The following CUBN variants were observed in gnomAD, a reference collection of about 807,000 sequenced individuals.
CUBN encodes the protein cubilin, also known as 460 kDa receptor.
A neutral mutation model predicts 405.3 loss-of-function variants in CUBN; 282 were observed. That is an observed-to-expected ratio of 0.70 (90% confidence interval 0.63 to 0.77). The LOEUF (loss-of-function observed/expected upper bound fraction) is 0.77, where lower values mean the gene tolerates loss of function less well. Among genes scored for constraint, CUBN ranks in the 30% least tolerant of loss-of-function variants. The pLI is 0.00. For synonymous variants in CUBN, 1,684 were observed against 1,617.0 expected (o/e 1.04, Z -0.99); for missense variants, 4,514 against 4,475.2 (o/e 1.01, Z -0.25).
chr10:16,883,282 C>A (rs904455782), intron 56 of CUBN, among the ~76,000 whole-genome samples: 1 of 152,082 alleles, frequency 6.6e-6, no homozygotes, highest in Non-Finnish European at 1.5e-5. Flanking sequence ...CCATTGCGCA[C>A]GAAGGCCAAA....
chr10:17,025,126 T>G (rs1834622615), intron 27 of CUBN, among the ~76,000 whole-genome samples: 1 of 152,196 alleles, frequency 6.6e-6, no homozygotes, highest in Admixed American at 6.5e-5. Flanking sequence ...AATATGTAAT[T>G]GAAATAATTC....
intron 60 of CUBN, among the ~76,000 whole-genome samples, chr10:16,849,262 C>T (rs891669458): frequency 6.6e-6 from 1 of 152,102 alleles, no homozygotes; most frequent in African/African-American, 2.4e-5. Context: ...TCCTGGTCTT[C>T]ACATTTATCT....
intron 7 of CUBN, among the ~76,000 whole-genome samples, chr10:17,114,939 G>A (rs1406542691): frequency 6.6e-6 from 1 of 152,178 alleles, no homozygotes; most frequent in Non-Finnish European, 1.5e-5. Context: ...GTCATGACGG[G>A]ATAATAAAAA....
intron 22 of CUBN, among the ~76,000 whole-genome samples, chr10:17,055,580 A>C (rs997511101): frequency 6.6e-6 from 1 of 152,288 alleles, no homozygotes. Flanking sequence ...GCAGAATACA[A>C]GATATGTATA....
chr10:17,068,415 T>C (rs1564502017), intron 20 of CUBN, 135 bp from the exon 21 acceptor site: 3 of 994,046 alleles, frequency 3.0e-6, no homozygotes, highest in East Asian at 2.6e-5. Context: ...GATAACCTGA[T>C]TTTTCTCTTA....
At chr10:17,121,464 C>G (rs979726350) in intron 6 of CUBN, among the ~76,000 whole-genome samples, 5 of 143,680 alleles carry the variant, frequency 3.5e-5, no homozygotes, top group African/African-American at 1.3e-4. Context: ...CCAAACACCG[C>G]ATGTTCTCAC....
intron 57 of CUBN, among the ~76,000 whole-genome samples, chr10:16,876,191 C>T (rs1287343330): frequency 6.6e-6 from 1 of 152,168 alleles, no homozygotes; most frequent in Non-Finnish European, 1.5e-5. Context: ...AAAGATGTTA[C>T]AAGATTTGTG....
At chr10:16,980,545 C>T (rs915499887) in intron 31 of CUBN, among the ~76,000 whole-genome samples, 24 of 152,132 alleles carry the variant, frequency 1.6e-4, no homozygotes, top group African/African-American at 5.8e-4. Flanking sequence ...TTTGAAGGGA[C>T]ATGGATGAAG....
At chr10:17,095,290 G>T in intron 14 of CUBN, among the ~76,000 whole-genome samples, 1 of 151,958 alleles carries the variant, frequency 6.6e-6, no homozygotes, top group East Asian at 1.9e-4. Context: ...TAAAACTGAA[G>T]AACCAATCCA....
chr10:16,923,832 G>A lies in CUBN; in HGVS notation c.6646+1409C>T, dbSNP rs560258077. Among the ~76,000 whole-genome samples the A allele has an allele frequency of 2.0e-5, 3 of 152,276 alleles. No homozygotes were observed. The East Asian group carries it at 5.8e-4, about 29-fold the overall frequency. On this transcript the variant is annotated intron_variant, in intron 43 of 66. Transcript: ENST00000377833. ...TACTCCAGTAATCCTAGCACTTTGGGAAGCCAAGGCAGGTGGCTCACCTGA... is the reference window on the plus strand; with the variant it reads ...TACTCCAGTAATCCTAGCACTTTGGAAAGCCAAGGCAGGTGGCTCACCTGA...
intron 29 of CUBN, among the ~76,000 whole-genome samples, chr10:16,985,942 G>T (rs1406136919): frequency 6.6e-6 from 1 of 152,196 alleles, no homozygotes; most frequent in Non-Finnish European, 1.5e-5. Flanking sequence ...TGCAGGCAAG[G>T]ATAGCCTAGG....
Position 17,084,256 on chromosome 10 carries a change from A to C in CUBN, c.2301+15T>G. 1 of 1,612,508 alleles carries C rather than the reference A, an allele frequency of 6.2e-7. No homozygotes were observed. Among genetic ancestry groups the C allele is most frequent in the South Asian group, 1.1e-5 (1 of 91,042 alleles). ...GATGAATGTCATCTAAGGGCGATTG[A>C]GTAGTGAAAGTTACCTCAATGTAAT... On this transcript the variant is annotated intron_variant, in intron 17 of 66. Coordinates refer to ENST00000377833, the MANE Select transcript of CUBN (RefSeq NM_001081.4).
At chr10:17,122,430 G>A (rs1281721984) in intron 6 of CUBN, 1 of 369,620 alleles carries the variant, frequency 2.7e-6, no homozygotes, top group Non-Finnish European at 5.4e-6. Context: ...GTGTGGTGGG[G>A]TGTCCCCTTT....
At chr10:17,066,224 GC>G (rs1835611816) in intron 21 of CUBN, among the ~76,000 whole-genome samples, 1 of 152,168 alleles carries the variant, frequency 6.6e-6, no homozygotes, top group African/African-American at 2.4e-5. Flanking sequence ...TGATGATTCA[GC>G]CATGCCATGT....
At chr10:17,047,672 T>C in intron 22 of CUBN, 69 bp from the exon 23 acceptor site, 2 of 1,347,298 alleles carry the variant, frequency 1.5e-6, no homozygotes, top group South Asian at 2.4e-5. Flanking sequence ...CATCCAGTAA[T>C]ATGTATTTCA....
intron 29 of CUBN, among the ~76,000 whole-genome samples, chr10:16,987,278 G>C (rs764969688): frequency 6.6e-6 from 1 of 152,132 alleles, no homozygotes; most frequent in East Asian, 1.9e-4. Flanking sequence ...AGAAAAAGAT[G>C]GAAAGAATTT....
intron 30 of CUBN, 86 bp from the exon 31 acceptor site, chr10:16,982,739 T>C (rs1833311391): frequency 8.2e-7 from 1 of 1,217,558 alleles, no homozygotes; most frequent in Non-Finnish European, 1.2e-6. Context: ...GATCAATACA[T>C]TACTTTGCTT....
chr10:17,054,049 G>A (rs950621647), intron 22 of CUBN, among the ~76,000 whole-genome samples: 13 of 151,964 alleles, frequency 8.6e-5, no homozygotes, highest in African/African-American at 2.7e-4. Context: ...AATTTGGGAG[G>A]TGGCTGGGCG....
At chr10:16,873,333 G>A (rs927345796) in intron 58 of CUBN, among the ~76,000 whole-genome samples, 9 of 152,184 alleles carry the variant, frequency 5.9e-5, no homozygotes, top group African/African-American at 2.2e-4. Context: ...AGACTGGGAA[G>A]AAAATTGACC....
Sources: allele counts gnomAD v4.1 joint callset (sites outside exome capture counted in the v4.1 genomes callset), GRCh38; gene constraint gnomAD v4.1.1; transcripts MANE v1.5; gene names NCBI Gene and HGNC (gene_info 2026-07-23, HGNC 2026-07-21).